Variants in ESPN observed in about 807,000 individuals in gnomAD.
The protein encoded by ESPN is espin, also known as autosomal recessive deafness type 36 protein.
A neutral mutation model predicts 77.7 loss-of-function variants in ESPN; 68 were observed. The ratio of observed to expected loss-of-function variants is 0.87; its 90% CI spans 0.72 to 1.07. The LOEUF is 1.07. Among genes scored for constraint, ESPN ranks in the 50% least tolerant of loss-of-function variants. The pLI, the probability that ESPN is intolerant of heterozygous loss-of-function variation, is 0.00. For synonymous variants in ESPN, 449 were observed against 567.1 expected (o/e 0.79, Z 2.96); for missense variants, 1,060 against 1,239.0 (o/e 0.86, Z 2.17).
intron 2 of ESPN, among the ~76,000 whole-genome samples, chr1:6,435,247 G>A (rs1014533827): frequency 3.9e-5 from 6 of 152,130 alleles, no homozygotes; most frequent in African/African-American, 9.7e-5. Context: ...ATCCTCGGAT[G>A]GAGAGCCTCT....
Position 6,435,230 on chromosome 1 carries a change from T to G in ESPN, c.489-5024T>G, listed in dbSNP as rs541769606. Reference sequence around the variant, plus strand: ...ATTCAAAGCAGTCACAGGCCGCAGCTGGACTGATCCTCGGATGGAGAGCCT... The same window carrying G: ...ATTCAAAGCAGTCACAGGCCGCAGCGGGACTGATCCTCGGATGGAGAGCCT... On this transcript the variant is annotated intron_variant, in intron 2 of 12. Transcript: ENST00000645284. 2.5e-4 allele frequency among the ~76,000 whole-genome samples: 38 copies of G among 152,008 alleles called. 2 individuals are homozygous for G. Among genetic ancestry groups the G allele is most frequent in the Middle Eastern group, 6.8e-3 (2 of 294 alleles).
chr1:6,439,899 C>T (rs1286611817), intron 2 of ESPN, among the ~76,000 whole-genome samples: 10 of 152,206 alleles, frequency 6.6e-5, no homozygotes, highest in African/African-American at 1.2e-4. Context: ...ATCCCAGCTA[C>T]TCAGGAGGCT....
At chr1:6,440,599 C>T (rs1643595134) in intron 3 of ESPN, 27 bp from the exon 4 acceptor site, 4 of 1,190,874 alleles carry the variant, frequency 3.4e-6, no homozygotes, top group Non-Finnish European at 4.7e-6. Context: ...CAGCCCCCGC[C>T]CCCCTCTCCC....
Position 6,440,606 on chromosome 1 carries a change from T to TCCCCCC in ESPN, c.676-16_676-15insCCCCCC. 2.3e-6 allele frequency: 2 copies of TCCCCCC among 870,482 alleles called. No individual in the cohort carries two copies. Among genetic ancestry groups the TCCCCCC allele is most frequent in the Non-Finnish European group, 3.4e-6 (2 of 588,346 alleles). 53.9% of individuals were successfully genotyped at this position (870,482 alleles called of 1,614,324 possible). ...CTGGCGCCCAGCCCCCGCCCCCCTC[T>TCCCCCC]CCCCGCCCGTCCCGCCCAGGTGAGC... On this transcript the variant is annotated intron_variant, in intron 3 of 12. Transcript: ENST00000645284.
At chr1:6,440,522 G>A (rs1270373373) in intron 3 of ESPN, 82 bp downstream of exon 3, 3 of 1,169,294 alleles carry the variant, frequency 2.6e-6, no homozygotes, top group South Asian at 3.5e-5. Context: ...GGGCCATCAG[G>A]GGTGGGGCGG....
Position 6,440,940 on chromosome 1 carries a change from C to T in ESPN, c.865C>T (p.Gln289Ter). The T allele has an allele frequency of 6.3e-7, 1 of 1,582,270 alleles. No individual in the cohort carries two copies. Among genetic ancestry groups the T allele is most frequent in the Non-Finnish European group, 8.6e-7 (1 of 1,165,530 alleles). ...TCACTGCGTGCCCCCGCAGTGCTGC[C>T]AGATCCTGGTAGTGAACGGCGCGGA... ...AAENGELECC[Q>*]ILVVNGAELD... Residue 289 changes from glutamine to a stop codon, truncating the protein, a stop_gained, in exon 5 of 13, where the codon CAG becomes TAG. Coordinates refer to ENST00000645284, the MANE Select transcript of ESPN (RefSeq NM_031475.3). LOFTEE classifies it high-confidence loss of function.
chr1:6,456,030 G>A (rs1162643518), intron 10 of ESPN: 2 of 313,910 alleles, frequency 6.4e-6, no homozygotes, highest in Non-Finnish European at 1.1e-5. Flanking sequence ...GCCCCCGCCC[G>A]CCGCGCCTCC....
At chr1:6,457,410 C>G in intron 12 of ESPN, 38 bp downstream of exon 12, 1 of 1,614,150 alleles carries the variant, frequency 6.2e-7, no homozygotes, top group Non-Finnish European at 8.5e-7. Context: ...CACCCTTATC[C>G]CCACCCAAGT....
chr1:6,449,016 C>G lies in ESPN; in HGVS notation c.1840C>G (p.Pro614Ala), dbSNP rs1351841812. The G allele has an allele frequency of 6.8e-7, 1 of 1,462,666 alleles. No individual in the cohort carries two copies. The highest frequency in any genetic ancestry group is 9.0e-7 in the Non-Finnish European group (1 of 1,113,764). 90.6% of individuals were successfully genotyped at this position (1,462,666 alleles called of 1,614,324 possible). A position where few individuals can be genotyped will look rare whatever the true frequency, so the allele number is the denominator to read the frequency against. ...CCTGCCGGAGGCCGCGAGTTCGCCACCGCCGGCCCCGCCTCTGCCCCTCGA... is the reference window on the plus strand; with the variant it reads ...CCTGCCGGAGGCCGCGAGTTCGCCAGCGCCGGCCCCGCCTCTGCCCCTCGA... ...PPLPEAASSP[P>A]PAPPLPLESA... Residue 614 changes from proline to alanine, a missense_variant, in exon 8 of 13, where the codon CCG (proline) becomes GCG (alanine). By Grantham distance (27) the Pro-to-Ala change is conservative. Transcript: ENST00000645284.
In ESPN at chr1:6,425,015, G is replaced by T. The variant is rs1333642957; in HGVS notation, c.60G>T (p.Ser20=). The T allele has an allele frequency of 1.0e-5, 15 of 1,467,796 alleles. 1 individual carries two copies. In the Admixed American group the frequency reaches 3.6e-4, roughly 35 times the overall value. The allele number at this position is 1,467,796 out of a possible 1,614,324, so 90.9% of individuals were successfully genotyped here. ...ARQGELDVLR[S]LHAAGLLGPS... is the part of the protein sequence containing the mutation. Reference sequence around the variant, plus strand: ...AGGGCGAGCTGGACGTGCTGAGGTCGCTGCACGCCGCAGGCCTCCTGGGGC... The same window carrying T: ...AGGGCGAGCTGGACGTGCTGAGGTCTCTGCACGCCGCAGGCCTCCTGGGGC... Residue 20 remains serine (S), a synonymous_variant, in exon 1 of 13, where the codon TCG becomes TCT. Transcript: ENST00000645284.
chr1:6,457,439 C>T, intron 12 of ESPN, 67 bp downstream of exon 12: 1 of 1,603,738 alleles, frequency 6.2e-7, no homozygotes, highest in South Asian at 1.1e-5. Context: ...GTCGTCCCTT[C>T]ATCCAGGCCA....
rs754640192 is a variant in ESPN at position 6,459,981 on chromosome 1, C to G, written c.2418-18C>G. ...GCCCCAGACTTCACCGGGTCTGCCC[C>G]CCTCCCCACTGCCTCAGGAAAGAGG... is the stretch of plus-strand genomic sequence containing the variant. On this transcript the variant is annotated intron_variant, in intron 12 of 12. Transcript: ENST00000645284. 2.4e-5 allele frequency: 39 copies of G among 1,613,126 alleles called. No homozygotes were observed. In the Admixed American group the frequency reaches 5.7e-4, roughly 23 times the overall value.
intron 5 of ESPN, among the ~76,000 whole-genome samples, chr1:6,444,056 C>T (rs532974344): frequency 1.4e-3 from 214 of 152,346 alleles, no homozygotes; most frequent in African/African-American, 4.7e-3. Context: ...GGAGTCTGCC[C>T]CAGGCCCCAG....
rs148239516 is a variant in ESPN at position 6,425,903 on chromosome 1, T to G, written c.294+654T>G. 2.6e-5 allele frequency among the ~76,000 whole-genome samples: 4 copies of G among 152,310 alleles called. No homozygotes were observed. The East Asian group carries it at 5.8e-4, about 22-fold the overall frequency. On this transcript the variant is annotated intron_variant, in intron 1 of 12. Coordinates refer to ENST00000645284, the MANE Select transcript of ESPN (RefSeq NM_031475.3). ...AGGTAGCCAGGCAGCGGTGGGACAG[T>G]TCCAGGCACAGGGAACAAGAAGTGC...
chr1:6,434,970 G>A (rs1643381987), intron 2 of ESPN, among the ~76,000 whole-genome samples: 2 of 152,104 alleles, frequency 1.3e-5, no homozygotes, highest in Admixed American at 6.6e-5. Context: ...GGGGTCAAAT[G>A]TGGCCTAATT....
chr1:6,449,079 T>C lies in ESPN; in HGVS notation c.1903T>C (p.Ser635Pro). The C allele has an allele frequency of 6.7e-7, 1 of 1,485,086 alleles. No individual in the cohort carries two copies. 92.0% of individuals were successfully genotyped at this position (1,485,086 alleles called of 1,614,324 possible). A position where few individuals can be genotyped will look rare whatever the true frequency, so the allele number is the denominator to read the frequency against. The part of the protein sequence containing the change: ...GPGCGQRRSS[S>P]STGSTKSFNM... Reference sequence around the variant, plus strand: ...TGGCTGCGGGCAGCGCCGCTCCTCCTCGTCCACCGGCAGTGAGTAGGGGCA... The same window carrying C: ...TGGCTGCGGGCAGCGCCGCTCCTCCCCGTCCACCGGCAGTGAGTAGGGGCA... The change falls in exon 8 of 13, where the codon TCG (serine) becomes CCG (proline). Residue 635 changes from serine to proline, a missense_variant. Physicochemically the swap from Ser to Pro is moderately conservative, Grantham distance 74 (BLOSUM62 -1). This residue lies in a region of ESPN where 374 missense variants were observed against 381.4 expected (regional missense o/e 0.98). Coordinates refer to ENST00000645284, the MANE Select transcript of ESPN (RefSeq NM_031475.3).
chr1:6,426,860 C>T (rs1324205165), intron 1 of ESPN, among the ~76,000 whole-genome samples: 1 of 152,128 alleles, frequency 6.6e-6, no homozygotes, highest in Non-Finnish European at 1.5e-5. Context: ...AGCTTTCTAG[C>T]ACACAGGAGG....
At chr1:6,444,141 TC>T (rs1459072752) in intron 5 of ESPN, among the ~76,000 whole-genome samples, 1 of 152,206 alleles carries the variant, frequency 6.6e-6, no homozygotes, top group Non-Finnish European at 1.5e-5. Context: ...CCATGGAGCC[TC>T]TGCCGATCCG....
rs569232864 is a variant in ESPN at position 6,460,049 on chromosome 1, A to G, written c.2468A>G (p.Gln823Arg). The stretch of plus-strand genomic sequence containing the variant: ...GAGGAGCTGCGGCGGGAGAAGGAAC[A>G]GTCAGAGAAGCTGCGGACGCTGGGC... ...KQEELRREKE[Q>R]SEKLRTLGYD... is the part of the protein sequence containing the mutation. The change falls in exon 13 of 13, where the codon CAG becomes CGG. Residue 823 changes from glutamine to arginine, a missense_variant. Gln to Arg is a conservative substitution (Grantham distance 43). Around this residue, in one of 3 missense-constraint regions of ESPN, gnomAD observed 374 missense variants for 381.4 expected, o/e 0.98. Transcript: ENST00000645284. 4 of 1,613,568 alleles carry G rather than the reference A, an allele frequency of 2.5e-6. No homozygotes were observed. Among genetic ancestry groups the G allele is most frequent in the African/African-American group, 1.3e-5 (1 of 75,064 alleles).
Sources: gnomAD v4.1 joint callset for allele counts (sites outside exome capture counted in the v4.1 genomes callset) on GRCh38, gnomAD v4.1.1 for gene constraint, gnomAD v4.1.1 regional missense constraint, MANE v1.5 for transcripts, NCBI Gene and HGNC (gene_info 2026-07-23, HGNC 2026-07-21) for gene names.